The following GRID2 variants were observed in gnomAD, a reference collection of about 807,000 sequenced individuals.
GRID2 encodes glutamate ionotropic receptor delta type subunit 2.
GRID2 carries 33 observed loss-of-function variants against 114.8 expected under a neutral mutation model. The ratio of observed to expected loss-of-function variants is 0.29; its 90% confidence interval spans 0.22 to 0.38. The LOEUF (loss-of-function observed/expected upper bound fraction) is 0.38, where lower values mean the gene tolerates loss of function less well. GRID2 is among the 10% of genes least tolerant of loss of function. GRID2 has a pLI of 1.00. For missense variants in GRID2, 1,184 were observed against 1,257.7 expected (o/e 0.94, Z 0.89); for synonymous variants, 505 against 449.9 (o/e 1.12, Z -1.55).
chr4:92,846,082 C>G (rs1743299115), intron 2 of GRID2, among the ~76,000 whole-genome samples: 1 of 152,084 alleles, frequency 6.6e-6, no homozygotes, highest in African/African-American at 2.4e-5. Context: ...GTTAAAATTA[C>G]AGATTTCATA....
intron 2 of GRID2, among the ~76,000 whole-genome samples, chr4:93,079,053 G>A (rs1214713757): frequency 6.0e-5 from 9 of 150,952 alleles, no homozygotes; most frequent in Non-Finnish European, 1.0e-4. Context: ...ATTTAGTTTT[G>A]AAAAGGGGAA....
At chr4:92,699,549 C>A (rs941508135) in intron 2 of GRID2, among the ~76,000 whole-genome samples, 3 of 152,176 alleles carry the variant, frequency 2.0e-5, no homozygotes, top group African/African-American at 7.2e-5. Flanking sequence ...GGCTTTATCA[C>A]TGACCACAAT....
At chr4:92,693,644 A>G (rs1049779102) in intron 2 of GRID2, among the ~76,000 whole-genome samples, 1 of 152,228 alleles carries the variant, frequency 6.6e-6, no homozygotes, top group Non-Finnish European at 1.5e-5. Flanking sequence ...TAGGGACTGA[A>G]GTTACAAATT....
At chr4:92,978,493 T>G (rs1294195292) in intron 2 of GRID2, among the ~76,000 whole-genome samples, 2 of 152,252 alleles carry the variant, frequency 1.3e-5, no homozygotes, top group East Asian at 3.9e-4. Context: ...TTGCTGCTGT[T>G]GTTTTTATTC....
intron 2 of GRID2, among the ~76,000 whole-genome samples, chr4:92,657,008 C>A (rs1030896207): frequency 6.6e-6 from 1 of 151,444 alleles, no homozygotes; most frequent in Non-Finnish European, 1.5e-5. Flanking sequence ...TGTCAGCTTA[C>A]AGTATGGAAT....
exon 2 of GRID2, chr4:93,808,279 A>G (rs968395430): frequency 6.6e-6 from 1 of 152,176 alleles, no homozygotes; most frequent in Non-Finnish European, 1.5e-5. Context: ...GGTGCTTACC[A>G]TGACTGTGGG....
chr4:93,707,311 A>G (rs1168936244), intron 14 of GRID2, among the ~76,000 whole-genome samples: 1 of 152,136 alleles, frequency 6.6e-6, no homozygotes, highest in Non-Finnish European at 1.5e-5. Context: ...GATAAAATTC[A>G]GCTGTGAAGT....
intron 2 of GRID2, among the ~76,000 whole-genome samples, chr4:92,623,705 C>A (rs1730382787): frequency 6.6e-6 from 1 of 151,698 alleles, no homozygotes; most frequent in Non-Finnish European, 1.5e-5. Context: ...GAAATTACCA[C>A]AGTAAAAGCT....
intron 2 of GRID2, among the ~76,000 whole-genome samples, chr4:92,849,504 A>G (rs890711831): frequency 7.2e-5 from 11 of 151,948 alleles, no homozygotes; most frequent in African/African-American, 2.7e-4. Context: ...GGAGAAAAAC[A>G]TATCCTATAA....
intron 2 of GRID2, among the ~76,000 whole-genome samples, chr4:92,917,761 T>A (rs1480570018): frequency 6.6e-6 from 1 of 152,200 alleles, no homozygotes; most frequent in Admixed American, 6.5e-5. Flanking sequence ...ACCCTTGTAG[T>A]ATAGTTTGAA....
chr4:93,739,362 T>C (rs991564290), intron 14 of GRID2, among the ~76,000 whole-genome samples: 5 of 152,058 alleles, frequency 3.3e-5, no homozygotes, highest in African/African-American at 9.7e-5. Flanking sequence ...CAAGAAGCCA[T>C]TTCCATGTAA....
At chr4:92,943,156 G>C (rs1372733035) in intron 2 of GRID2, among the ~76,000 whole-genome samples, 1 of 152,192 alleles carries the variant, frequency 6.6e-6, no homozygotes, top group Non-Finnish European at 1.5e-5. Context: ...ATAATATCCT[G>C]CAGGGTGTTT....
At chr4:93,118,570 T>C (rs752320610) in intron 4 of GRID2, among the ~76,000 whole-genome samples, 1 of 152,222 alleles carries the variant, frequency 6.6e-6, no homozygotes, top group Non-Finnish European at 1.5e-5. Flanking sequence ...TCCAGCTATG[T>C]TCTGCACCTC....
chr4:92,376,397 C>T (rs1172351477), intron 1 of GRID2, among the ~76,000 whole-genome samples: 1 of 152,152 alleles, frequency 6.6e-6, no homozygotes, highest in African/African-American at 2.4e-5. Context: ...TTCCTATGGT[C>T]TTAGGCAGCT....
Position 92,982,466 on chromosome 4 carries a change from A to G in GRID2, c.245-102529A>G, listed in dbSNP as rs554773117. On this transcript the variant is annotated intron_variant, in intron 2 of 15. Transcript: ENST00000282020. Reference sequence around the variant, plus strand: ...ACTCAAATTCAATTGAATAACCTACATAAGTTCTAAAATCATCAGAATAAT... The same window carrying G: ...ACTCAAATTCAATTGAATAACCTACGTAAGTTCTAAAATCATCAGAATAAT... Among the ~76,000 whole-genome samples, 249 of 152,250 alleles carry G rather than the reference A, an allele frequency of 1.6e-3. 1 individual carries two copies. The highest frequency in any genetic ancestry group is 5.9e-3 in the African/African-American group (244 of 41,572).
chr4:93,419,074 CTTTTTTTTTT>C (rs58832079), intron 9 of GRID2, among the ~76,000 whole-genome samples: 16 of 109,530 alleles, frequency 1.5e-4, no homozygotes, highest in African/African-American at 6.2e-4. Flanking sequence ...CATGATTTTC[CTTTTTTTTTT>C]TTTTTTTTTT....
At chr4:92,840,608 G>A (rs953873184) in intron 2 of GRID2, among the ~76,000 whole-genome samples, 20 of 152,026 alleles carry the variant, frequency 1.3e-4, no homozygotes, top group South Asian at 1.2e-3. Context: ...GAAATTCTAC[G>A]TGAAAATGTA....
At chr4:92,769,790 T>A (rs1738451150) in intron 2 of GRID2, among the ~76,000 whole-genome samples, 1 of 152,108 alleles carries the variant, frequency 6.6e-6, no homozygotes, top group Non-Finnish European at 1.5e-5. Context: ...GCCCCTAGAC[T>A]GCACATAGCA....
intron 2 of GRID2, among the ~76,000 whole-genome samples, chr4:92,631,653 C>G (rs549252735): frequency 6.2e-4 from 95 of 152,048 alleles, no homozygotes; most frequent in African/African-American, 2.1e-3. Flanking sequence ...TTTTATTTAA[C>G]TTGGGTTGCA....
Sources: gnomAD v4.1 joint callset for allele counts (sites outside exome capture counted in the v4.1 genomes callset) on GRCh38, gnomAD v4.1.1 for gene constraint, MANE v1.5 for transcripts, NCBI Gene and HGNC (gene_info 2026-07-23, HGNC 2026-07-21) for gene names.